Variants in LHPP observed in about 807,000 individuals in gnomAD.
LHPP encodes hLHPP.
In LHPP, 24 loss-of-function variants were observed where a neutral mutation model predicts 30.3. The observed-to-expected ratio is 0.79, with a 90% CI of 0.57 to 1.11. LHPP has a LOEUF of 1.11. Among genes scored for constraint, LHPP ranks in the 50% most tolerant of loss-of-function variants. The pLI, the probability that LHPP is intolerant of heterozygous loss-of-function variation, is 0.00. For synonymous variants in LHPP, 150 were observed against 157.1 expected (o/e 0.95, Z 0.34); for missense variants, 356 against 367.2 (o/e 0.97, Z 0.25).
rs560274588 is a variant in LHPP at position 124,599,284 on chromosome 10, A to G, written c.717-13980A>G. 7.3e-5 allele frequency among the ~76,000 whole-genome samples: 11 copies of G among 150,412 alleles called. No individual in the cohort carries two copies. The South Asian group carries it at 2.3e-3, about 32-fold the overall frequency. On this transcript the variant is annotated intron_variant, in intron 6 of 6. Transcript: ENST00000368842. ...ACTGTCTGTTTGTCCATTCCCATCCATCTATCCACCCATCCACCCAGGCGA... is the reference window on the plus strand; with the variant it reads ...ACTGTCTGTTTGTCCATTCCCATCCGTCTATCCACCCATCCACCCAGGCGA...
intron 6 of LHPP, among the ~76,000 whole-genome samples, chr10:124,609,726 A>G (rs907858671): frequency 6.6e-6 from 1 of 152,058 alleles, no homozygotes; most frequent in African/African-American, 2.4e-5. Flanking sequence ...CCAGCTCTGG[A>G]GCTCTCTGTA....
rs1350315827 is a variant in LHPP at position 124,548,158 on chromosome 10, C to G, written c.716+30887C>G. Among the ~76,000 whole-genome samples the G allele has an allele frequency of 1.2e-4, 18 of 151,230 alleles. 1 individual carries two copies. The highest frequency in any genetic ancestry group is 1.2e-3 in the Admixed American group (18 of 15,234). The stretch of plus-strand genomic sequence containing the variant: ...GCACTAAAGTTCAGAAAAATCCAGC[C>G]AGCCTTGGAGCTGGGGAGACTGCTT... On this transcript the variant is annotated intron_variant, in intron 6 of 6. Coordinates refer to ENST00000368842, the MANE Select transcript of LHPP (RefSeq NM_022126.4).
At chr10:124,498,166 G>C in intron 5 of LHPP, 38 bp downstream of exon 5, 1 of 1,549,226 alleles carries the variant, frequency 6.5e-7, no homozygotes, top group Non-Finnish European at 8.8e-7. Flanking sequence ...AGGGGAGGCA[G>C]CCCCGTCAGG....
chr10:124,546,480 G>A (rs1426466285), intron 6 of LHPP, among the ~76,000 whole-genome samples: 1 of 152,204 alleles, frequency 6.6e-6, no homozygotes, highest in Admixed American at 6.5e-5. Flanking sequence ...TCGGCTCACT[G>A]CAAGCTCTGC....
chr10:124,608,473 GC>G (rs1949124345), intron 6 of LHPP, among the ~76,000 whole-genome samples: 3 of 152,372 alleles, frequency 2.0e-5, no homozygotes, highest in Admixed American at 2.0e-4. Flanking sequence ...CCTCATGGGA[GC>G]CCATGGTGCA....
chr10:124,462,312 A>C (rs1265395976), intron 1 of LHPP, among the ~76,000 whole-genome samples: 1 of 152,130 alleles, frequency 6.6e-6, no homozygotes, highest in East Asian at 1.9e-4. Flanking sequence ...AACAAGACTT[A>C]GCCGGGCGCG....
intron 6 of LHPP, among the ~76,000 whole-genome samples, chr10:124,521,295 A>T (rs1589825140): frequency 6.6e-6 from 1 of 151,992 alleles, no homozygotes. Context: ...TCCAGGAAAT[A>T]CCCCCAGCCA....
At chr10:124,537,114 T>C (rs1158035285) in intron 6 of LHPP, among the ~76,000 whole-genome samples, 1 of 152,230 alleles carries the variant, frequency 6.6e-6, no homozygotes. Flanking sequence ...CATCTCCAGA[T>C]TTTAAGTAAA....
chr10:124,522,102 C>G (rs1265412898), intron 6 of LHPP, among the ~76,000 whole-genome samples: 1 of 152,178 alleles, frequency 6.6e-6, no homozygotes, highest in Admixed American at 6.5e-5. Context: ...AGGGCCTGCT[C>G]CCCAGGAAAG....
At chr10:124,542,991 T>C (rs530279789) in intron 6 of LHPP, among the ~76,000 whole-genome samples, 3 of 152,276 alleles carry the variant, frequency 2.0e-5, no homozygotes, top group Admixed American at 1.3e-4. Flanking sequence ...GTGTCTGTCG[T>C]TGCCCCTGCA....
intron 6 of LHPP, among the ~76,000 whole-genome samples, chr10:124,518,917 G>T (rs576490770): frequency 2.0e-5 from 3 of 152,136 alleles, no homozygotes; most frequent in Non-Finnish European, 4.4e-5. Context: ...ACTGTCTCCC[G>T]GAGAGAGAGA....
At chr10:124,516,584 G>A (rs1308685281) in intron 5 of LHPP, among the ~76,000 whole-genome samples, 1 of 152,182 alleles carries the variant, frequency 6.6e-6, no homozygotes, top group Non-Finnish European at 1.5e-5. Context: ...CCTGAAAGCT[G>A]TTGGTTCATA....
At chr10:124,571,026 T>A (rs765383381) in intron 6 of LHPP, among the ~76,000 whole-genome samples, 49 of 152,216 alleles carry the variant, frequency 3.2e-4, no homozygotes, top group Non-Finnish European at 4.4e-5. Context: ...TCTCACAAGA[T>A]CAGATGGTTT....
Position 124,611,010 on chromosome 10 carries a change from C to T in LHPP, c.717-2254C>T, listed in dbSNP as rs1292330928. Among the ~76,000 whole-genome samples, 5 of 36,362 alleles carry T rather than the reference C, an allele frequency of 1.4e-4. 1 individual carries two copies. In the South Asian group the frequency reaches 2.6e-3, roughly 19 times the overall value. 23.9% of individuals were successfully genotyped at this position (36,362 alleles called of 152,430 possible). On this transcript the variant is annotated intron_variant, in intron 6 of 6. Coordinates refer to ENST00000368842, the MANE Select transcript of LHPP (RefSeq NM_022126.4). ...GGAGCGGGTGAGGGTGTTAATGAAGCGGGTGCGGGTGAGGGTGCTGATGGA... is the reference window on the plus strand; with the variant it reads ...GGAGCGGGTGAGGGTGTTAATGAAGTGGGTGCGGGTGAGGGTGCTGATGGA...
chr10:124,538,356 C>G lies in LHPP; in HGVS notation c.716+21085C>G, dbSNP rs530318688. On this transcript the variant is annotated intron_variant, in intron 6 of 6. Transcript: ENST00000368842. ...TTTCCACTTCCTGGCAGTGAGGTCT[C>G]CTGGGTGCCTTCTCTCAGCCCTTTG... is the stretch of plus-strand genomic sequence containing the variant. 2.4e-4 allele frequency among the ~76,000 whole-genome samples: 37 copies of G among 152,334 alleles called. 2 individuals carry two copies. The South Asian group carries it at 7.7e-3, about 32-fold the overall frequency.
chr10:124,524,838 A>G (rs2133921608), intron 6 of LHPP, among the ~76,000 whole-genome samples: 1 of 152,372 alleles, frequency 6.6e-6, no homozygotes, highest in East Asian at 1.9e-4. Context: ...TTGTCTCAAA[A>G]AGAAATTTTT....
At chr10:124,583,426 GCA>G (rs2133993674) in intron 6 of LHPP, among the ~76,000 whole-genome samples, 1 of 152,282 alleles carries the variant, frequency 6.6e-6, no homozygotes, top group Non-Finnish European at 1.5e-5. Context: ...AATGGTCATG[GCA>G]CACTTGTCAA....
At chr10:124,503,157 C>A (rs968517992) in intron 5 of LHPP, among the ~76,000 whole-genome samples, 2 of 151,848 alleles carry the variant, frequency 1.3e-5, no homozygotes, top group African/African-American at 4.9e-5. Context: ...ACCCCCTCCT[C>A]CTGGGTTCAA....
chr10:124,610,331 G>T (rs1336965697), intron 6 of LHPP, among the ~76,000 whole-genome samples: 1 of 151,998 alleles, frequency 6.6e-6, no homozygotes, highest in Non-Finnish European at 1.5e-5. Context: ...TGCGGGTGAG[G>T]GTGCTGATGG....
Sources: allele counts gnomAD v4.1 joint callset (sites outside exome capture counted in the v4.1 genomes callset), GRCh38; gene constraint gnomAD v4.1.1; transcripts MANE v1.5; gene names NCBI Gene and HGNC (gene_info 2026-07-23, HGNC 2026-07-21).